The following BRD4 variants were observed in gnomAD, a reference collection of about 807,000 sequenced individuals.
BRD4 encodes the protein bromodomain-containing protein 4.
In BRD4, 16 loss-of-function variants were observed where a neutral mutation model predicts 142.1. That is an observed-to-expected ratio of 0.11 (90% confidence interval 0.08 to 0.17). BRD4 has a LOEUF of 0.17. BRD4 is among the 10% of genes least tolerant of loss of function. The pLI is 1.00. For missense variants in BRD4, 1,424 were observed against 1,810.9 expected (o/e 0.79, Z 3.88); for synonymous variants, 833 against 707.5 (o/e 1.18, Z -2.82).
rs1279496170 is a variant in BRD4, at chr19:15,255,146, C to T, written c.2047+151G>A. On this transcript the variant is annotated intron_variant, in intron 10 of 19. Transcript: ENST00000679869. ...CCTAGGGGTGAGTGCAATGTCACAACCTTTCGGAGGTTTCTGTGTCAAGAA... is the reference window on the plus strand; with the variant it reads ...CCTAGGGGTGAGTGCAATGTCACAATCTTTCGGAGGTTTCTGTGTCAAGAA... The T allele has an allele frequency of 1.4e-5, 11 of 797,002 alleles. No individual in the cohort carries two copies. In the East Asian group the frequency reaches 2.7e-4, roughly 20 times the overall value. The allele number at this position is 797,002 out of a possible 1,614,324, so 49.4% of individuals were successfully genotyped here. A position where few individuals can be genotyped will look rare whatever the true frequency, so the allele number is the denominator to read the frequency against.
chr19:15,292,806 AAAAAAAAAAG>A, intron 1 of BRD4, among the ~76,000 whole-genome samples: 1 of 143,778 alleles, frequency 7.0e-6, no homozygotes, highest in African/African-American at 2.6e-5. Flanking sequence ...AAAAAAAAAA[AAAAAAAAAAG>A]AAAGAAAGAA....
chr19:15,258,156 C>T (rs936397314), intron 7 of BRD4, among the ~76,000 whole-genome samples: 4 of 152,190 alleles, frequency 2.6e-5, no homozygotes, highest in Non-Finnish European at 4.4e-5. Flanking sequence ...GACCTTCCCC[C>T]AAATGTGTGT....
chr19:15,274,540 G>A (rs1429107323), intron 1 of BRD4, among the ~76,000 whole-genome samples: 1 of 152,248 alleles, frequency 6.6e-6, no homozygotes, highest in Non-Finnish European at 1.5e-5. Context: ...GCACACGCCA[G>A]GTAAGTGATG....
At chr19:15,290,554 A>C (rs191310206) in intron 1 of BRD4, among the ~76,000 whole-genome samples, 22 of 152,302 alleles carry the variant, frequency 1.4e-4, no homozygotes, top group East Asian at 3.9e-4. Context: ...TACACCTAGA[A>C]CACCACCCAA....
chr19:15,281,399 G>A (rs889671997), intron 1 of BRD4, among the ~76,000 whole-genome samples: 1 of 152,238 alleles, frequency 6.6e-6, no homozygotes, highest in African/African-American at 2.4e-5. Flanking sequence ...AGGGGACACA[G>A]GCACACAAGG....
chr19:15,321,965 C>T (rs189192116), intron 1 of BRD4, among the ~76,000 whole-genome samples: 1 of 152,196 alleles, frequency 6.6e-6, no homozygotes, highest in East Asian at 1.9e-4. Flanking sequence ...GAAAGCATAT[C>T]CAGGACAGTC....
chr19:15,290,400 C>T (rs1156324412), intron 1 of BRD4, among the ~76,000 whole-genome samples: 2 of 152,150 alleles, frequency 1.3e-5, no homozygotes, highest in African/African-American at 4.8e-5. Flanking sequence ...AATTTGTTCC[C>T]TTGGCGTTCA....
intron 1 of BRD4, among the ~76,000 whole-genome samples, chr19:15,326,196 C>T (rs1459013496): frequency 6.8e-6 from 1 of 148,084 alleles, no homozygotes; most frequent in Non-Finnish European, 1.5e-5. Flanking sequence ...GTGGCTCATG[C>T]CTGTAATCCT....
intron 1 of BRD4, among the ~76,000 whole-genome samples, chr19:15,320,475 A>G (rs1057470899): frequency 6.6e-6 from 1 of 152,224 alleles, no homozygotes; most frequent in Admixed American, 6.5e-5. Flanking sequence ...TACAGATTAC[A>G]TAAGTTATAT....
chr19:15,261,978 GAA>G (rs2047476023), intron 7 of BRD4, among the ~76,000 whole-genome samples: 1 of 152,228 alleles, frequency 6.6e-6, no homozygotes, highest in Non-Finnish European at 1.5e-5. Flanking sequence ...ACACTAGTAA[GAA>G]AGAGACCAAC....
At chr19:15,317,289 G>C (rs1360764481) in intron 1 of BRD4, among the ~76,000 whole-genome samples, 1 of 152,158 alleles carries the variant, frequency 6.6e-6, no homozygotes, top group Non-Finnish European at 1.5e-5. Context: ...CGCTAAAACA[G>C]AACAATCAGC....
At chr19:15,304,638 G>C (rs947986552) in intron 1 of BRD4, among the ~76,000 whole-genome samples, 2 of 152,174 alleles carry the variant, frequency 1.3e-5, no homozygotes, top group Admixed American at 1.3e-4. Context: ...AACTTTCCCT[G>C]AGTGTCCACA....
rs1027023422 is a variant in BRD4 at position 15,311,670 on chromosome 19, C to G, written c.-35+20620G>C. Reference sequence around the variant, plus strand: ...AAAAAAAATTAGCCAGGCATGGTGGCGGGTGCCTGTAATCCCAGCTACTTG... The same window carrying G: ...AAAAAAAATTAGCCAGGCATGGTGGGGGGTGCCTGTAATCCCAGCTACTTG... On this transcript the variant is annotated intron_variant, in intron 1 of 19. Transcript: ENST00000679869. Among the ~76,000 whole-genome samples, 3 of 151,110 alleles carry G rather than the reference C, an allele frequency of 2.0e-5. No homozygotes were observed. The East Asian group carries it at 5.9e-4, about 30-fold the overall frequency.
chr19:15,252,010 A>G (rs1460210033), intron 11 of BRD4, among the ~76,000 whole-genome samples: 1 of 152,226 alleles, frequency 6.6e-6, no homozygotes, highest in Admixed American at 6.5e-5. Context: ...TCCCGCCAGG[A>G]CAGCTGTTCC....
At chr19:15,330,214 C>G (rs2048144990) in intron 1 of BRD4, among the ~76,000 whole-genome samples, 1 of 152,194 alleles carries the variant, frequency 6.6e-6, no homozygotes, top group African/African-American at 2.4e-5. Context: ...CTGAGACCGG[C>G]TAACTCCAGT....
intron 1 of BRD4, among the ~76,000 whole-genome samples, chr19:15,292,812 A>AAAAAAAAAAAAAAAAAAAAAAAAAG (rs2047793809): frequency 7.0e-6 from 1 of 142,976 alleles, no homozygotes; most frequent in Admixed American, 7.1e-5. Context: ...AAAAAAAAAA[A>AAAAAAAAAAAAAAAAAAAAAAAAAG]AAAGAAAGAA....
intron 1 of BRD4, among the ~76,000 whole-genome samples, chr19:15,306,053 C>G (rs1033320983): frequency 6.6e-6 from 1 of 152,164 alleles, no homozygotes; most frequent in African/African-American, 2.4e-5. Flanking sequence ...TACGGCCTTG[C>G]TAGATTAGGC....
rs966645214 is a variant in BRD4, at chr19:15,280,313, C to T, written c.-34-7180G>A. ...GGGGCAGAGGCCCAGTCATCCTACA[C>T]GGGTCTTTGGCTTGGCCAGCAGCAC... On this transcript the variant is annotated intron_variant, in intron 1 of 19. Coordinates refer to ENST00000679869, the MANE Select transcript of BRD4 (RefSeq NM_001379291.1). 36 of 1,012,062 alleles carry T rather than the reference C, an allele frequency of 3.6e-5. No homozygotes were observed. In the African/African-American group the frequency reaches 4.5e-4, roughly 13 times the overall value. The allele number at this position is 1,012,062 out of a possible 1,614,324, so 62.7% of individuals were successfully genotyped here.
chr19:15,269,337 G>C (rs2047564292), intron 2 of BRD4, among the ~76,000 whole-genome samples: 1 of 152,164 alleles, frequency 6.6e-6, no homozygotes, highest in Non-Finnish European at 1.5e-5. Context: ...TCTTTTTATG[G>C]ATACTAAAAT....
Sources: gnomAD v4.1 joint callset for allele counts (sites outside exome capture counted in the v4.1 genomes callset) on GRCh38, gnomAD v4.1.1 for gene constraint, MANE v1.5 for transcripts, NCBI Gene and HGNC (gene_info 2026-07-23, HGNC 2026-07-21) for gene names.